EFCAB5: variants seen among roughly 807,000 people sequenced by gnomAD.
The protein encoded by EFCAB5 is EF-hand calcium binding domain 5.
In EFCAB5, 131 loss-of-function variants were observed where a neutral mutation model predicts 167.9. That is an observed-to-expected ratio of 0.78 (90% confidence interval 0.68 to 0.90). The LOEUF is 0.90. Among genes scored for constraint, EFCAB5 ranks in the 40% least tolerant of loss-of-function variants. EFCAB5 has a pLI of 0.00. For synonymous variants in EFCAB5, 574 were observed against 602.8 expected, an observed-to-expected ratio of 0.95 and a Z score of 0.70; for missense variants, 1,663 against 1,745.2, an observed-to-expected ratio of 0.95 and a Z score of 0.84.
chr17:29,995,897 A>G (rs534224476), intron 5 of EFCAB5, among the ~76,000 whole-genome samples: 3 of 152,194 alleles, frequency 2.0e-5, no homozygotes, highest in Non-Finnish European at 2.9e-5. Context: ...ATAAAACACC[A>G]GTGATTTCAC....
chr17:30,064,976 A>G (rs1388688013), intron 14 of EFCAB5, among the ~76,000 whole-genome samples: 1 of 152,262 alleles, frequency 6.6e-6, no homozygotes, highest in African/African-American at 2.4e-5. Context: ...ACTATCCTTC[A>G]GAAATGAGAG....
At chr17:29,971,723 G>A (rs1268576859) in intron 4 of EFCAB5, among the ~76,000 whole-genome samples, 3 of 152,068 alleles carry the variant, frequency 2.0e-5, no homozygotes, top group African/African-American at 4.8e-5. Context: ...AATCCTGCTT[G>A]GTTGCTATGT....
chr17:29,996,481 A>G (rs12944395), intron 6 of EFCAB5, 121 bp downstream of exon 6: 383,361 of 766,106 alleles, frequency 0.5, 97,943 homozygotes, highest in African/African-American at 0.57. Context: ...AGGGGCAATT[A>G]GGCTCTTCCA....
chr17:30,016,684 A>G (rs1244861985), intron 7 of EFCAB5, among the ~76,000 whole-genome samples: 2 of 152,208 alleles, frequency 1.3e-5, no homozygotes, highest in Admixed American at 1.3e-4. Flanking sequence ...ATGTAATACA[A>G]TTGGAAAACA....
chr17:29,940,205 A>G (rs1042291431), upstream of EFCAB5, among the ~76,000 whole-genome samples: 1 of 151,848 alleles, frequency 6.6e-6, no homozygotes, highest in African/African-American at 2.4e-5. Flanking sequence ...CCTCCTGCGT[A>G]GCTGGGATCA....
intron 14 of EFCAB5, among the ~76,000 whole-genome samples, chr17:30,077,382 T>C (rs2070889324): frequency 6.6e-6 from 1 of 151,636 alleles, no homozygotes; most frequent in African/African-American, 2.4e-5. Flanking sequence ...CGTGTGTGCA[T>C]GTGTGTGTGT....
chr17:30,073,670 C>G, intron 14 of EFCAB5: 1 of 712,994 alleles, frequency 1.4e-6, no homozygotes, highest in Non-Finnish European at 2.6e-6. Context: ...GTTTTTTCCT[C>G]TTGAGACCAA....
chr17:29,999,669 A>G (rs1486834281), intron 6 of EFCAB5, among the ~76,000 whole-genome samples: 1 of 152,106 alleles, frequency 6.6e-6, no homozygotes, highest in Non-Finnish European at 1.5e-5. Context: ...ATCCCAATCC[A>G]GACATTAAAA....
chr17:29,958,762 T>C (rs760604881), intron 3 of EFCAB5, among the ~76,000 whole-genome samples: 10 of 152,194 alleles, frequency 6.6e-5, no homozygotes, highest in Non-Finnish European at 1.3e-4. Context: ...GTACCCATCC[T>C]TCTTGGGAAT....
At chr17:30,066,390 T>C (rs943494216) in intron 14 of EFCAB5, among the ~76,000 whole-genome samples, 2 of 152,166 alleles carry the variant, frequency 1.3e-5, no homozygotes, top group African/African-American at 4.8e-5. Context: ...TTTGAATTTT[T>C]ACTTTTTACT....
intron 5 of EFCAB5, among the ~76,000 whole-genome samples, chr17:29,995,624 T>C (rs1425827421): frequency 1.3e-5 from 2 of 152,224 alleles, no homozygotes; most frequent in African/African-American, 4.8e-5. Flanking sequence ...ACCCATTGAC[T>C]GGAAATTTTT....
chr17:30,085,656 C>T (rs913349014), intron 18 of EFCAB5, among the ~76,000 whole-genome samples: 2 of 150,584 alleles, frequency 1.3e-5, no homozygotes, highest in African/African-American at 2.5e-5. Flanking sequence ...AGAGGCAGAG[C>T]TTGCACTGAG....
Position 30,014,098 on chromosome 17 carries a change from C to A in EFCAB5, c.1044+14122C>A, listed in dbSNP as rs1024714897. On this transcript the variant is annotated intron_variant, in intron 7 of 22. Coordinates refer to ENST00000394835, the MANE Select transcript of EFCAB5 (RefSeq NM_198529.4). ...TCAGGAGCAGGTTGTTCAGTTTCCACGTAGTTGTGTGGTTTTGAGTGAGTT... is the reference window on the plus strand; with the variant it reads ...TCAGGAGCAGGTTGTTCAGTTTCCAAGTAGTTGTGTGGTTTTGAGTGAGTT... 3.3e-5 allele frequency among the ~76,000 whole-genome samples: 5 copies of A among 152,046 alleles called. No homozygotes were observed. The East Asian group carries it at 9.6e-4, about 29-fold the overall frequency.
At chr17:29,941,501 A>ATT (rs201674383), upstream of EFCAB5, 20 of 203,566 alleles carry the variant, frequency 9.8e-5, no homozygotes, top group Non-Finnish European at 1.6e-4. Flanking sequence ...CTGCTGCTGT[A>ATT]TTTTTTTTTT....
At chr17:30,042,332 TAACA>T (rs1401483121) in intron 8 of EFCAB5, among the ~76,000 whole-genome samples, 3 of 152,128 alleles carry the variant, frequency 2.0e-5, no homozygotes, top group Non-Finnish European at 4.4e-5. Context: ...TTATATGCAC[TAACA>T]AACCAAAGCG....
intron 8 of EFCAB5, among the ~76,000 whole-genome samples, chr17:30,045,458 C>CAAA (rs11291669): frequency 1.2e-5 from 1 of 80,384 alleles, no homozygotes; most frequent in Non-Finnish European, 2.5e-5. Context: ...GCTCTGTCTC[C>CAAA]AAAAAAAAAA....
At chr17:30,076,426 C>T (rs2070869785) in intron 14 of EFCAB5, among the ~76,000 whole-genome samples, 1 of 152,084 alleles carries the variant, frequency 6.6e-6, no homozygotes, top group African/African-American at 2.4e-5. Context: ...AAGTTGTTTC[C>T]CCAAAGCAAA....
rs572723204 is a variant in EFCAB5 at position 29,948,746 on chromosome 17, G to A, written c.190+5097G>A. ...GTCAGTTCCTCATTTCTTTACCCTT[G>A]TTTTTCTACTTTTCAGGCTGAGCTT... On this transcript the variant is annotated intron_variant, in intron 3 of 22. Coordinates refer to ENST00000394835, the MANE Select transcript of EFCAB5 (RefSeq NM_198529.4). Among the ~76,000 whole-genome samples, 9 of 152,134 alleles carry A rather than the reference G, an allele frequency of 5.9e-5. No homozygotes were observed. In the South Asian group the frequency reaches 1.9e-3, roughly 31 times the overall value.
chr17:30,034,369 A>G lies in EFCAB5; in HGVS notation c.1184A>G (p.His395Arg), dbSNP rs745337307. Reference sequence around the variant, plus strand: ...CAGATGTTCGCTGAACTCTTCCTACATTGTGACCACGGGAAGGTGGGTTAA... The same window carrying G: ...CAGATGTTCGCTGAACTCTTCCTACGTTGTGACCACGGGAAGGTGGGTTAA... ...RRQMFAELFL[H>R]CDHGKVGFLD... Residue 395 changes from histidine to arginine, a missense_variant, in exon 8 of 23, where the codon CAT becomes CGT. His to Arg is a conservative substitution (Grantham distance 29). Transcript: ENST00000394835. 21 of 1,603,974 alleles carry G rather than the reference A, an allele frequency of 1.3e-5. No individual in the cohort carries two copies. The Admixed American group carries it at 2.8e-4, about 21-fold the overall frequency.
Sources: gnomAD v4.1 joint callset for allele counts (sites outside exome capture counted in the v4.1 genomes callset) on GRCh38, gnomAD v4.1.1 for gene constraint, MANE v1.5 for transcripts, NCBI Gene and HGNC (gene_info 2026-07-23, HGNC 2026-07-21) for gene names.